The following KCNJ6 variants were observed in gnomAD, a reference collection of about 807,000 sequenced individuals.
KCNJ6 encodes the protein potassium inwardly rectifying channel subfamily J member 6.
A neutral mutation model predicts 34.2 loss-of-function variants in KCNJ6; 9 were observed. That is an observed-to-expected ratio of 0.26 (90% CI 0.16 to 0.46). KCNJ6 has a LOEUF of 0.46. KCNJ6 is among the 20% of genes least tolerant of loss of function. The pLI is 1.00. For missense variants in KCNJ6, 236 were observed against 531.3 expected, an observed-to-expected ratio of 0.44 and a Z score of 5.46; for synonymous variants, 196 against 207.1, an observed-to-expected ratio of 0.95 and a Z score of 0.46.
chr21:37,782,160 G>A (rs2055172556), intron 2 of KCNJ6, among the ~76,000 whole-genome samples: 1 of 152,102 alleles, frequency 6.6e-6, no homozygotes, highest in African/African-American at 2.4e-5. Context: ...AGAGACAGAA[G>A]TCAGAGTGAT....
At chr21:37,900,048 A>T (rs2055809026) in intron 1 of KCNJ6, among the ~76,000 whole-genome samples, 1 of 152,204 alleles carries the variant, frequency 6.6e-6, no homozygotes, top group Admixed American at 6.5e-5. Context: ...TGGATGAGGG[A>T]TTACAGATTG....
intron 2 of KCNJ6, among the ~76,000 whole-genome samples, chr21:37,758,327 T>C (rs1256622946): frequency 6.6e-6 from 1 of 152,196 alleles, no homozygotes; most frequent in African/African-American, 2.4e-5. Flanking sequence ...GGAGTGTGTG[T>C]AGAATAATAG....
intron 1 of KCNJ6, among the ~76,000 whole-genome samples, chr21:37,900,623 G>A (rs2055812324): frequency 6.6e-6 from 1 of 152,218 alleles, no homozygotes; most frequent in African/African-American, 2.4e-5. Context: ...CTTAAAGGAG[G>A]TGGGAATGAA....
At chr21:37,645,099 G>A (rs1204493203) in intron 3 of KCNJ6, among the ~76,000 whole-genome samples, 1 of 151,922 alleles carries the variant, frequency 6.6e-6, no homozygotes, top group African/African-American at 2.4e-5. Context: ...ACAAGGCTGG[G>A]TATGGTGGCT....
chr21:37,870,767 C>A (rs1428917148), intron 1 of KCNJ6, among the ~76,000 whole-genome samples: 2 of 152,132 alleles, frequency 1.3e-5, no homozygotes, highest in Non-Finnish European at 2.9e-5. Flanking sequence ...TCAAGGGGGT[C>A]ATCTTGCTAA....
rs1406491544 is a variant in KCNJ6, at chr21:37,616,538, C to G, written c.*8621G>C. Reference sequence around the variant, plus strand: ...ACCGGGCTGAGACCATGTATACGCCCAACCATCACTCATAGACTCTCTGGG... The same window carrying G: ...ACCGGGCTGAGACCATGTATACGCCGAACCATCACTCATAGACTCTCTGGG... On this transcript the variant is annotated 3_prime_UTR_variant, in exon 4 of 4. Coordinates refer to ENST00000609713, the MANE Select transcript of KCNJ6 (RefSeq NM_002240.5). 1 of 137,456 alleles carries G rather than the reference C, an allele frequency of 7.3e-6. No homozygotes were observed. Among genetic ancestry groups the G allele is most frequent in the Non-Finnish European group, 1.6e-5 (1 of 64,278 alleles). 8.5% of individuals were successfully genotyped at this position (137,456 alleles called of 1,614,324 possible).
At chr21:37,845,019 T>G (rs1024745558) in intron 1 of KCNJ6, among the ~76,000 whole-genome samples, 3 of 152,170 alleles carry the variant, frequency 2.0e-5, no homozygotes, top group African/African-American at 7.2e-5. Flanking sequence ...AGCTACTGTT[T>G]CCTGGTGTGC....
At chr21:37,643,684 T>C (rs2054391402) in intron 3 of KCNJ6, among the ~76,000 whole-genome samples, 1 of 152,218 alleles carries the variant, frequency 6.6e-6, no homozygotes, top group Non-Finnish European at 1.5e-5. Context: ...GTGCAAACTA[T>C]TGGTCTCCCA....
intron 2 of KCNJ6, among the ~76,000 whole-genome samples, chr21:37,807,079 C>T (rs891299108): frequency 2.6e-5 from 4 of 152,072 alleles, no homozygotes; most frequent in African/African-American, 9.7e-5. Flanking sequence ...TCTCCATTTT[C>T]TCAGGAAATT....
chr21:37,885,543 A>G (rs1033698628), intron 1 of KCNJ6, among the ~76,000 whole-genome samples: 6 of 152,202 alleles, frequency 3.9e-5, no homozygotes, highest in African/African-American at 1.2e-4. Context: ...TCTTCCTTGC[A>G]AGAGAGATTT....
chr21:37,803,397 A>G (rs1320852373), intron 2 of KCNJ6, among the ~76,000 whole-genome samples: 1 of 152,170 alleles, frequency 6.6e-6, no homozygotes, highest in Non-Finnish European at 1.5e-5. Flanking sequence ...TCAATCCACC[A>G]CGGAAATAAG....
chr21:37,793,823 C>T (rs1387252985), intron 2 of KCNJ6, among the ~76,000 whole-genome samples: 2 of 152,204 alleles, frequency 1.3e-5, no homozygotes, highest in East Asian at 1.9e-4. Flanking sequence ...CTGCAAGGGC[C>T]GGTGCCTAAC....
chr21:37,901,384 AG>A (rs2055816162), intron 1 of KCNJ6, among the ~76,000 whole-genome samples: 1 of 78,880 alleles, frequency 1.3e-5, no homozygotes, highest in Admixed American at 1.6e-4. Flanking sequence ...AAATTTCCCC[AG>A]GGTGAATCTG....
intron 3 of KCNJ6, among the ~76,000 whole-genome samples, chr21:37,640,995 G>A (rs2054378360): frequency 6.6e-6 from 1 of 152,240 alleles, no homozygotes; most frequent in South Asian, 2.1e-4. Flanking sequence ...GTGCATGCAT[G>A]TAATGGGGAG....
rs1410739814 is a variant in KCNJ6 at position 37,616,608 on chromosome 21, T to TATATATATATATATATATATATATAA, written c.*8550_*8551insTTATATATATATATATATATATATAT. 2 of 127,522 alleles carry TATATATATATATATATATATATATAA rather than the reference T, an allele frequency of 1.6e-5. No individual in the cohort carries two copies. The highest frequency in any genetic ancestry group is 1.6e-5 in the Non-Finnish European group (1 of 60,762). 7.9% of individuals were successfully genotyped at this position (127,522 alleles called of 1,614,324 possible). A position where few individuals can be genotyped will look rare whatever the true frequency, so the allele number is the denominator to read the frequency against. On this transcript the variant is annotated 3_prime_UTR_variant, in exon 4 of 4. Coordinates refer to ENST00000609713, the MANE Select transcript of KCNJ6 (RefSeq NM_002240.5). ...AAATGTACATATATATATATATATA[T>TATATATATATATATATATATATATAA]ATATATATGGTTAGACTCTGAACAT...
intron 2 of KCNJ6, among the ~76,000 whole-genome samples, chr21:37,757,604 A>G (rs1195580790): frequency 6.6e-6 from 1 of 151,844 alleles, no homozygotes; most frequent in Non-Finnish European, 1.5e-5. Context: ...TCCAGCCCGG[A>G]GTGAGCACTC....
chr21:37,727,438 CTGAA>C (rs1388458712), intron 2 of KCNJ6, among the ~76,000 whole-genome samples: 1 of 140,910 alleles, frequency 7.1e-6, no homozygotes, highest in Admixed American at 7.3e-5. Flanking sequence ...TGGAGGGGAG[CTGAA>C]TGGAGTGAGG....
chr21:37,891,934 G>T (rs966606322), intron 1 of KCNJ6, among the ~76,000 whole-genome samples: 1 of 152,132 alleles, frequency 6.6e-6, no homozygotes, highest in African/African-American at 2.4e-5. Context: ...GTGGGATGGT[G>T]GGGGTGGAGA....
At chr21:37,853,984 T>C (rs1015445757) in intron 1 of KCNJ6, among the ~76,000 whole-genome samples, 20 of 150,140 alleles carry the variant, frequency 1.3e-4, no homozygotes, top group African/African-American at 4.9e-4. Context: ...TTTTAGAAAA[T>C]GTTGAAATAA....
Sources: allele counts gnomAD v4.1 joint callset (sites outside exome capture counted in the v4.1 genomes callset), GRCh38; gene constraint gnomAD v4.1.1; transcripts MANE v1.5; gene names NCBI Gene and HGNC (gene_info 2026-07-23, HGNC 2026-07-21).